Variants in DAB2IP observed in about 807,000 individuals in gnomAD.
DAB2IP encodes DAB2 interacting protein.
DAB2IP carries 28 observed loss-of-function variants against 107.2 expected under a neutral mutation model. That is an observed-to-expected ratio of 0.26 (90% CI 0.19 to 0.36). The LOEUF is 0.36. Among genes scored for constraint, DAB2IP ranks in the 10% least tolerant of loss-of-function variants. The pLI, the probability that DAB2IP is intolerant of heterozygous loss-of-function variation, is 1.00. For synonymous variants in DAB2IP, 755 were observed against 706.4 expected (o/e 1.07, Z -1.09); for missense variants, 1,400 against 1,644.7 (o/e 0.85, Z 2.57).
At chr9:121,576,781 G>T (rs1022352568) in intron 1 of DAB2IP, among the ~76,000 whole-genome samples, 17 of 152,162 alleles carry the variant, frequency 1.1e-4, no homozygotes. Context: ...CGATGTTCTG[G>T]GCTTGCTGTG....
At chr9:121,593,954 C>CA (rs1422153320) in intron 1 of DAB2IP, among the ~76,000 whole-genome samples, 1 of 151,966 alleles carries the variant, frequency 6.6e-6, no homozygotes, top group Non-Finnish European at 1.5e-5. Flanking sequence ...AGACGTGAGC[C>CA]ACCATGCCCA....
rs573466614 is a variant in DAB2IP at position 121,621,311 on chromosome 9, A to G, written c.40+54083A>G. ...CAAGTCCCTGCTTGAGGGACTCCCT[A>G]TTTTCCCTGAGATATAATCCAGACT... On this transcript the variant is annotated intron_variant, in intron 1 of 16. Transcript: ENST00000259371. Among the ~76,000 whole-genome samples the G allele has an allele frequency of 4.6e-4, 70 of 152,132 alleles. 1 individual carries two copies. The Middle Eastern group carries it at 0.02, about 44-fold the overall frequency.
chr9:121,606,685 T>A (rs1335814722), intron 1 of DAB2IP, among the ~76,000 whole-genome samples: 2 of 152,192 alleles, frequency 1.3e-5, no homozygotes, highest in East Asian at 3.8e-4. Context: ...GGGATCATTT[T>A]CCCTGTTACC....
chr9:121,695,599 C>G (rs1280890151), intron 2 of DAB2IP, among the ~76,000 whole-genome samples: 1 of 152,166 alleles, frequency 6.6e-6, no homozygotes, highest in Non-Finnish European at 1.5e-5. Context: ...AGCGTGGGCT[C>G]CTGTGGTCCA....
intron 9 of DAB2IP, among the ~76,000 whole-genome samples, chr9:121,768,049 C>T (rs1834411360): frequency 6.6e-6 from 1 of 151,954 alleles, no homozygotes; most frequent in Admixed American, 6.6e-5. Context: ...GGAGGGACTC[C>T]CAGGGGTGGT....
intron 1 of DAB2IP, among the ~76,000 whole-genome samples, chr9:121,665,555 C>G (rs1476203473): frequency 2.0e-5 from 3 of 152,038 alleles, no homozygotes; most frequent in Non-Finnish European, 4.4e-5. Context: ...GTACTTAGTA[C>G]CTATACTAAA....
chr9:121,587,023 G>C (rs763163547), intron 1 of DAB2IP, among the ~76,000 whole-genome samples: 11 of 152,208 alleles, frequency 7.2e-5, no homozygotes, highest in Non-Finnish European at 1.2e-4. Flanking sequence ...GGCAGCGGGG[G>C]TGTCAGCATT....
intron 3 of DAB2IP, among the ~76,000 whole-genome samples, chr9:121,703,939 C>G (rs1829922074): frequency 6.6e-6 from 1 of 152,154 alleles, no homozygotes; most frequent in South Asian, 2.1e-4. Flanking sequence ...GCCATTATTA[C>G]CTAGAGCACA....
intron 1 of DAB2IP, among the ~76,000 whole-genome samples, chr9:121,671,276 C>T (rs543329162): frequency 2.0e-5 from 3 of 152,356 alleles, no homozygotes; most frequent in Admixed American, 6.5e-5. Context: ...GCGAAGGTTG[C>T]AGTGAGCTGA....
At chr9:121,644,345 C>T (rs535891864) in intron 1 of DAB2IP, among the ~76,000 whole-genome samples, 10 of 152,094 alleles carry the variant, frequency 6.6e-5, no homozygotes, top group African/African-American at 1.7e-4. Context: ...GCCTGTAATC[C>T]CAGCACTTGG....
At chr9:121,629,081 A>C (rs1276819168) in intron 1 of DAB2IP, among the ~76,000 whole-genome samples, 2 of 152,182 alleles carry the variant, frequency 1.3e-5, no homozygotes, top group African/African-American at 4.8e-5. Flanking sequence ...GGCCAGAGAC[A>C]CTTGCCTAGT....
At chr9:121,578,750 T>C (rs927033831) in intron 1 of DAB2IP, among the ~76,000 whole-genome samples, 18 of 126,182 alleles carry the variant, frequency 1.4e-4, no homozygotes, top group East Asian at 4.5e-4. Flanking sequence ...TTTTTTTTTT[T>C]TTTTTTTTGA....
chr9:121,721,791 A>G (rs1021024822), intron 3 of DAB2IP, among the ~76,000 whole-genome samples: 1 of 152,242 alleles, frequency 6.6e-6, no homozygotes, highest in Non-Finnish European at 1.5e-5. Context: ...TAAAACCCAG[A>G]TGGGCAGAGG....
intron 1 of DAB2IP, among the ~76,000 whole-genome samples, chr9:121,602,381 G>A (rs867148902): frequency 2.0e-4 from 30 of 151,988 alleles, no homozygotes; most frequent in African/African-American, 6.0e-4. Context: ...TGCCTTAGAC[G>A]AGGCCCTCGT....
chr9:121,782,215 G>C lies in DAB2IP; in HGVS notation c.3403-116G>C. Reference sequence around the variant, plus strand: ...TCTCTTGCCAGCTGCTCACAGCCCGGAGCCTGCCTGCCACCCTCATCTCCA... The same window carrying C: ...TCTCTTGCCAGCTGCTCACAGCCCGCAGCCTGCCTGCCACCCTCATCTCCA... On this transcript the variant is annotated intron_variant, in intron 15 of 15. Transcript: ENST00000408936. The surrounding 1 kb of genome is among the most constrained non-coding windows in gnomAD (Gnocchi z 6.1). 1 of 1,493,266 alleles carries C rather than the reference G, an allele frequency of 6.7e-7. No homozygotes were observed. Among genetic ancestry groups the C allele is most frequent in the Non-Finnish European group, 9.0e-7 (1 of 1,116,164 alleles). 92.5% of individuals were successfully genotyped at this position (1,493,266 alleles called of 1,614,324 possible). A position where few individuals can be genotyped will look rare whatever the true frequency, so the allele number is the denominator to read the frequency against.
At position 121,772,524 on chromosome 9, in the gene DAB2IP, T is replaced by G; in HGVS notation, c.2079-83T>G. On this transcript the variant is annotated intron_variant, in intron 11 of 15. Coordinates refer to ENST00000408936, the Ensembl canonical transcript of DAB2IP. This position sits in a 1 kb window ranked among gnomAD's most constrained non-coding sequence, Gnocchi z 4.7. Reference sequence around the variant, plus strand: ...TGCCAGGCCCCGGCAGGTTGGCGGGTGCTGTCGGTTTGGACCCGCCTTGGC... The same window carrying G: ...TGCCAGGCCCCGGCAGGTTGGCGGGGGCTGTCGGTTTGGACCCGCCTTGGC... 2 of 1,472,094 alleles carry G rather than the reference T, an allele frequency of 1.4e-6. No individual in the cohort carries two copies. Among genetic ancestry groups the G allele is most frequent in the Non-Finnish European group, 9.2e-7 (1 of 1,082,658 alleles). The allele number at this position is 1,472,094 out of a possible 1,614,324, so 91.2% of individuals were successfully genotyped here. A position where few individuals can be genotyped will look rare whatever the true frequency, so the allele number is the denominator to read the frequency against.
chr9:121,745,543 C>T (rs1213293765), intron 3 of DAB2IP, among the ~76,000 whole-genome samples: 1 of 151,832 alleles, frequency 6.6e-6, no homozygotes, highest in African/African-American at 2.4e-5. Context: ...AGCTGACATC[C>T]CTAGGCCCAT....
rs139468588 is a variant in DAB2IP at position 121,741,469 on chromosome 9, C to G, written c.363-15544C>G. Among the ~76,000 whole-genome samples the G allele has an allele frequency of 7.7e-4, 118 of 152,302 alleles. 1 individual carries two copies. Among genetic ancestry groups the G allele is most frequent in the Non-Finnish European group, 1.4e-3 (97 of 68,026 alleles). ...AGGCTCTCGCTTCCCTCCTGCTCTG[C>G]CCCTCCTACTCACCCAGCAGACTTG... On this transcript the variant is annotated intron_variant, in intron 3 of 15. Transcript: ENST00000408936.
chr9:121,625,560 C>A (rs976826946), intron 1 of DAB2IP, among the ~76,000 whole-genome samples: 1 of 152,128 alleles, frequency 6.6e-6, no homozygotes, highest in African/African-American at 2.4e-5. Context: ...CCACGCCTGG[C>A]CAATGGCTGG....
Sources: gnomAD v4.1 joint callset for allele counts (sites outside exome capture counted in the v4.1 genomes callset) on GRCh38, gnomAD v4.1.1 for gene constraint, Gnocchi (gnomAD v3.1) non-coding constraint, MANE v1.5 for transcripts, NCBI Gene and HGNC (gene_info 2026-07-23, HGNC 2026-07-21) for gene names.